Variants in EPHA6 observed in about 807,000 individuals in gnomAD.
EPHA6 encodes the protein ephrin type-A receptor 6.
EPHA6 carries 50 observed loss-of-function variants against 112.0 expected under a neutral mutation model. The ratio of observed to expected loss-of-function variants is 0.45; its 90% CI spans 0.36 to 0.56. EPHA6 has a LOEUF of 0.56. EPHA6 is among the 20% of genes least tolerant of loss of function. EPHA6 has a pLI of 0.00. For missense variants in EPHA6, 1,280 were observed against 1,417.4 expected, an observed-to-expected ratio of 0.90 and a Z score of 1.56; for synonymous variants, 529 against 490.7, an observed-to-expected ratio of 1.08 and a Z score of -1.03.
chr3:96,872,798 T>A (rs747863583), intron 2 of EPHA6, among the ~76,000 whole-genome samples: 12 of 152,080 alleles, frequency 7.9e-5, no homozygotes, highest in Non-Finnish European at 1.5e-4. Flanking sequence ...TGTGAAAATA[T>A]TTTTTGAAGT....
In EPHA6 at chr3:97,760,503, G is replaced by A. The variant is rs2107945723; in HGVS notation, c.*11802G>A. On this transcript the variant is annotated 3_prime_UTR_variant, in exon 18 of 18. Coordinates refer to ENST00000389672, the MANE Select transcript of EPHA6 (RefSeq NM_001080448.3). ...ATGTGAAATTAGATTGTGAATAATG[G>A]AGATTGCTCTCCATTTTTTGCTGTT... 5.6e-6 allele frequency: 1 copy of A among 177,848 alleles called. No individual in the cohort carries two copies. The highest frequency in any genetic ancestry group is 9.3e-5 in the East Asian group (1 of 10,726). 11.0% of individuals were successfully genotyped at this position (177,848 alleles called of 1,614,324 possible).
At chr3:97,737,779 A>T (rs969351498) in intron 16 of EPHA6, among the ~76,000 whole-genome samples, 13 of 152,104 alleles carry the variant, frequency 8.5e-5, no homozygotes, top group African/African-American at 3.1e-4. Flanking sequence ...CTTTAACTGT[A>T]GTTAAGATAG....
chr3:97,676,233 A>G (rs1445173123), intron 14 of EPHA6, among the ~76,000 whole-genome samples: 1 of 152,030 alleles, frequency 6.6e-6, no homozygotes, highest in East Asian at 1.9e-4. Flanking sequence ...CCAAGCTGAG[A>G]GGCTGAGAAT....
chr3:97,088,026 C>A (rs368484162), intron 3 of EPHA6, among the ~76,000 whole-genome samples: 1 of 151,894 alleles, frequency 6.6e-6, no homozygotes, highest in East Asian at 1.9e-4. Flanking sequence ...ACTAAAAATA[C>A]AAAAATTAGC....
intron 5 of EPHA6, among the ~76,000 whole-genome samples, chr3:97,402,197 A>G (rs1455309099): frequency 6.6e-6 from 1 of 151,958 alleles, no homozygotes; most frequent in African/African-American, 2.4e-5. Flanking sequence ...TTTAAATCCA[A>G]TATTACTTTT....
intron 14 of EPHA6, among the ~76,000 whole-genome samples, chr3:97,713,175 G>A (rs2034056758): frequency 6.6e-6 from 1 of 152,166 alleles, no homozygotes; most frequent in Non-Finnish European, 1.5e-5. Context: ...GTGAGAGGGT[G>A]GAGCAGACGC....
At chr3:97,204,322 A>G (rs1045015686) in intron 3 of EPHA6, among the ~76,000 whole-genome samples, 9 of 152,100 alleles carry the variant, frequency 5.9e-5, no homozygotes, top group African/African-American at 2.2e-4. Flanking sequence ...AGCACTTACC[A>G]TGTACTAGGG....
intron 3 of EPHA6, among the ~76,000 whole-genome samples, chr3:97,150,643 C>G (rs2076149455): frequency 6.6e-6 from 1 of 152,140 alleles, no homozygotes; most frequent in Admixed American, 6.6e-5. Flanking sequence ...TTATTTGTCT[C>G]TGATCCAGGG....
intron 1 of EPHA6, among the ~76,000 whole-genome samples, chr3:96,863,260 T>C (rs534187747): frequency 5.3e-5 from 8 of 151,984 alleles, no homozygotes; most frequent in Non-Finnish European, 1.0e-4. Context: ...TTTTTTTTCT[T>C]CCTACTGAGT....
At chr3:96,978,254 C>T (rs1228914556) in intron 2 of EPHA6, among the ~76,000 whole-genome samples, 1 of 152,048 alleles carries the variant, frequency 6.6e-6, no homozygotes, top group African/African-American at 2.4e-5. Flanking sequence ...TCCTTGTTGT[C>T]TTTATGTTGA....
chr3:96,979,775 T>G (rs2042683541), intron 2 of EPHA6, among the ~76,000 whole-genome samples: 1 of 152,180 alleles, frequency 6.6e-6, no homozygotes, highest in South Asian at 2.1e-4. Flanking sequence ...TCATTGTGGT[T>G]TTGATTTGCA....
Position 96,834,062 on chromosome 3 carries a change from G to T in EPHA6, c.385+19054G>T, listed in dbSNP as rs190838241. 3.1e-3 allele frequency among the ~76,000 whole-genome samples: 469 copies of T among 152,086 alleles called. 1 individual carries two copies. The highest frequency in any genetic ancestry group is 5.8e-3 in the South Asian group (28 of 4,818). On this transcript the variant is annotated intron_variant, in intron 1 of 17. Transcript: ENST00000389672. Reference sequence around the variant, plus strand: ...ACATTTGTATAAATTAATCTGAGTTGATTTAAATGTCAAAAAAAGCATCTC... The same window carrying T: ...ACATTTGTATAAATTAATCTGAGTTTATTTAAATGTCAAAAAAAGCATCTC...
At chr3:97,542,922 G>A (rs1577715282) in intron 11 of EPHA6, among the ~76,000 whole-genome samples, 2 of 152,088 alleles carry the variant, frequency 1.3e-5, no homozygotes, top group East Asian at 1.9e-4. Context: ...CATATCCTTT[G>A]CCCACTTTTT....
chr3:97,532,337 T>G, intron 10 of EPHA6, 21 bp from the exon 11 acceptor site: 5 of 1,582,988 alleles, frequency 3.2e-6, no homozygotes, highest in Non-Finnish European at 4.3e-6. Flanking sequence ...ATCAAATAAC[T>G]GCTTTTGTTC....
At chr3:97,518,702 G>T (rs1421097445) in intron 10 of EPHA6, among the ~76,000 whole-genome samples, 1 of 151,822 alleles carries the variant, frequency 6.6e-6, no homozygotes, top group Non-Finnish European at 1.5e-5. Context: ...TATCTCTTTG[G>T]GGGTTCTAAT....
chr3:97,102,066 C>G (rs1213345726), intron 3 of EPHA6, among the ~76,000 whole-genome samples: 3 of 152,040 alleles, frequency 2.0e-5, no homozygotes, highest in Non-Finnish European at 4.4e-5. Context: ...TCATCAGAAG[C>G]CTTGCCCCTT....
At chr3:97,529,499 T>C (rs1205283348) in intron 10 of EPHA6, among the ~76,000 whole-genome samples, 1 of 152,080 alleles carries the variant, frequency 6.6e-6, no homozygotes, top group Non-Finnish European at 1.5e-5. Flanking sequence ...CTAACCAGTA[T>C]ATATAAATGT....
intron 13 of EPHA6, among the ~76,000 whole-genome samples, chr3:97,617,563 G>A (rs2093777148): frequency 6.6e-6 from 1 of 152,048 alleles, no homozygotes; most frequent in South Asian, 2.1e-4. Context: ...ACACAGGTAG[G>A]CTCAAAATAA....
chr3:96,848,641 T>C (rs992743943), intron 1 of EPHA6, among the ~76,000 whole-genome samples: 1 of 152,042 alleles, frequency 6.6e-6, no homozygotes, highest in Non-Finnish European at 1.5e-5. Context: ...AAAAATTAAA[T>C]CTTCATATTT....
Sources: allele counts gnomAD v4.1 joint callset (sites outside exome capture counted in the v4.1 genomes callset), GRCh38; gene constraint gnomAD v4.1.1; transcripts MANE v1.5; gene names NCBI Gene and HGNC (gene_info 2026-07-23, HGNC 2026-07-21).